The following MAP3K7 variants were observed in gnomAD, a reference collection of about 807,000 sequenced individuals.
MAP3K7 encodes the protein mitogen-activated protein kinase kinase kinase 7.
MAP3K7 carries 21 observed loss-of-function variants against 84.8 expected under a neutral mutation model. The observed-to-expected ratio is 0.25, with a 90% CI of 0.18 to 0.36. The LOEUF is 0.36. Ranked by LOEUF, MAP3K7 falls within the 10% of genes least tolerant of loss-of-function variation. The probability of loss-of-function intolerance (pLI) is 1.00; values close to 1 mark genes in which losing one functional copy is unlikely to be tolerated. For synonymous variants in MAP3K7, 241 were observed against 247.7 expected, an observed-to-expected ratio of 0.97 and a Z score of 0.25; for missense variants, 503 against 747.7, an observed-to-expected ratio of 0.67 and a Z score of 3.82.
At position 90,516,251 on chromosome 6, in the gene MAP3K7, C is replaced by G; in HGVS notation, c.*250G>C. 1 of 528,044 alleles carries G rather than the reference C, an allele frequency of 1.9e-6. No homozygotes were observed. Among genetic ancestry groups the G allele is most frequent in the South Asian group, 2.2e-5 (1 of 44,568 alleles). The allele number at this position is 528,044 out of a possible 1,614,324, so 32.7% of individuals were successfully genotyped here. On this transcript the variant is annotated 3_prime_UTR_variant, in exon 17 of 17. Coordinates refer to ENST00000369329, the MANE Select transcript of MAP3K7 (RefSeq NM_145331.3). The stretch of plus-strand genomic sequence containing the variant: ...CATATACAGCCACAGTTCACTGCAT[C>G]TGTTTTGAAGTTGCAAAGTGCTGCT...
At chr6:90,573,237 T>C (rs1053702758) in intron 1 of MAP3K7, among the ~76,000 whole-genome samples, 20 of 152,320 alleles carry the variant, frequency 1.3e-4, no homozygotes, top group African/African-American at 4.1e-4. Context: ...TTGTAACATA[T>C]ATAAAGCCCC....
Position 90,546,562 on chromosome 6 carries a change from G to A in MAP3K7, c.1210+696C>T, listed in dbSNP as rs544566408. Among the ~76,000 whole-genome samples the A allele has an allele frequency of 1.6e-4, 24 of 152,122 alleles. No homozygotes were observed. The South Asian group carries it at 4.6e-3, about 29-fold the overall frequency. On this transcript the variant is annotated intron_variant, in intron 11 of 16. Coordinates refer to ENST00000369329, the MANE Select transcript of MAP3K7 (RefSeq NM_145331.3). ...AAAGAATCAGCAAAAAACCAAAAAC[G>A]TCCAAATTAAACCAGCATTACTAAA... is the stretch of plus-strand genomic sequence containing the variant.
intron 12 of MAP3K7, 106 bp downstream of exon 12, chr6:90,544,446 C>A: frequency 1.1e-6 from 1 of 913,048 alleles, no homozygotes; most frequent in Non-Finnish European, 1.8e-6. Context: ...TGCAAGGTAT[C>A]CATTTTCATG....
intron 3 of MAP3K7, among the ~76,000 whole-genome samples, chr6:90,565,160 A>C (rs1776658977): frequency 3.3e-5 from 5 of 152,230 alleles, no homozygotes; most frequent in Admixed American, 1.3e-4. Flanking sequence ...TAGAGAAGCA[A>C]GAGCAAACAC....
intron 2 of MAP3K7, among the ~76,000 whole-genome samples, chr6:90,570,720 G>A (rs1261406935): frequency 6.6e-6 from 1 of 152,068 alleles, no homozygotes; most frequent in East Asian, 1.9e-4. Context: ...ACGCTATTAC[G>A]ATCTTTTTGA....
intron 7 of MAP3K7, among the ~76,000 whole-genome samples, chr6:90,552,774 A>G (rs1776220807): frequency 6.6e-6 from 1 of 152,240 alleles, no homozygotes; most frequent in Non-Finnish European, 1.5e-5. Context: ...TAAAAACAAC[A>G]TTACCAGAAC....
intron 1 of MAP3K7, among the ~76,000 whole-genome samples, chr6:90,574,433 T>G (rs1326620915): frequency 6.6e-6 from 1 of 152,112 alleles, no homozygotes; most frequent in Non-Finnish European, 1.5e-5. Flanking sequence ...CTCTTGCAAT[T>G]AACTAAGATG....
At chr6:90,567,404 GAT>G (rs1373868504) in intron 3 of MAP3K7, among the ~76,000 whole-genome samples, 1 of 152,118 alleles carries the variant, frequency 6.6e-6, no homozygotes, top group Non-Finnish European at 1.5e-5. Context: ...GTGGGCAAAG[GAT>G]ATGAACAGAC....
At chr6:90,524,365 G>C (rs1775253222) in intron 13 of MAP3K7, among the ~76,000 whole-genome samples, 1 of 152,160 alleles carries the variant, frequency 6.6e-6, no homozygotes, top group African/African-American at 2.4e-5. Context: ...TTGGATGCAG[G>C]TTACAACAAA....
In MAP3K7 at chr6:90,549,640, A is replaced by C. The variant is rs573769745; in HGVS notation, c.949+828T>G. ...CAGTGAAAAGGTGGGAGGCTCAAAA[A>C]ATTCAAGGTCACAGTAAGGAAATGA... is the stretch of plus-strand genomic sequence containing the variant. On this transcript the variant is annotated intron_variant, in intron 9 of 16. Transcript: ENST00000369329. Among the ~76,000 whole-genome samples, 9 of 152,306 alleles carry C rather than the reference A, an allele frequency of 5.9e-5. No individual in the cohort carries two copies. In the South Asian group the frequency reaches 1.4e-3, roughly 25 times the overall value.
At chr6:90,566,008 C>T (rs1263299394) in intron 3 of MAP3K7, among the ~76,000 whole-genome samples, 2 of 152,148 alleles carry the variant, frequency 1.3e-5, no homozygotes, top group Non-Finnish European at 2.9e-5. Context: ...TGACAAAATT[C>T]AACAGCCCTT....
At position 90,565,797 on chromosome 6, in the gene MAP3K7, C is replaced by T. The variant is rs61385713; in HGVS notation, c.297+2761G>A. Among the ~76,000 whole-genome samples the T allele has an allele frequency of 2.2e-3, 339 of 152,160 alleles. 2 individuals carry two copies. Among genetic ancestry groups the T allele is most frequent in the African/African-American group, 6.6e-3 (275 of 41,520 alleles). ...TTAGACCAATATCCCTGATGAACAT[C>T]GATGCAAAAATCCTCAATAAAATAC... On this transcript the variant is annotated intron_variant, in intron 3 of 16. Transcript: ENST00000369329.
chr6:90,548,301 T>A lies in MAP3K7; in HGVS notation c.950-124A>T, dbSNP rs34069293. On this transcript the variant is annotated intron_variant, in intron 9 of 16. Coordinates refer to ENST00000369329, the MANE Select transcript of MAP3K7 (RefSeq NM_145331.3). ...AGGAACAGAAATAAAATAAGACTTT[T>A]CAAGCTAATGAAGATATCCAAACAA... 2,536 of 835,862 alleles carry A rather than the reference T, an allele frequency of 3.0e-3. 37 individuals carry two copies. In the African/African-American group the frequency reaches 0.04, roughly 13 times the overall value. The allele number at this position is 835,862 out of a possible 1,614,324, so 51.8% of individuals were successfully genotyped here.
intron 14 of MAP3K7, among the ~76,000 whole-genome samples, chr6:90,523,108 T>A (rs946537231): frequency 3.3e-4 from 50 of 152,166 alleles, no homozygotes; most frequent in Non-Finnish European, 5.9e-4. Flanking sequence ...TGTGAACAGT[T>A]AGTTATTCAT....
At chr6:90,563,082 C>A (rs1261901073) in intron 3 of MAP3K7, among the ~76,000 whole-genome samples, 3 of 152,148 alleles carry the variant, frequency 2.0e-5, no homozygotes, top group Non-Finnish European at 1.5e-5. Flanking sequence ...ATGTCACCAT[C>A]ATCAAAGACC....
chr6:90,542,524 T>C (rs951769598), intron 12 of MAP3K7: 1 of 981,820 alleles, frequency 1.0e-6, no homozygotes, highest in Admixed American at 6.2e-5. Flanking sequence ...CTCCTTAATG[T>C]GAACACTAAG....
chr6:90,587,017 G>T lies in MAP3K7; in HGVS notation c.-134C>A. ...CCTACTACCCGGCGATCCGTGGCGGGGGTAGAGGCAGCGGCCACAGCCGTG... is the reference window on the plus strand; with the variant it reads ...CCTACTACCCGGCGATCCGTGGCGGTGGTAGAGGCAGCGGCCACAGCCGTG... On this transcript the variant is annotated 5_prime_UTR_variant, in exon 1 of 17. Transcript: ENST00000369329. The T allele has an allele frequency of 8.9e-7, 1 of 1,118,676 alleles. No individual in the cohort carries two copies. The allele number at this position is 1,118,676 out of a possible 1,614,324, so 69.3% of individuals were successfully genotyped here.
At position 90,519,296 on chromosome 6, in the gene MAP3K7, T is replaced by G. The variant is rs1210065874; in HGVS notation, c.1486A>C (p.Ile496Leu). ...TCCAGTGTAAGATAAGCCATTGGGA[T>G]GGAGTTATCTGATCCATTGGTATCT... ...STDTNGSDNS[I>L]PMAYLTLDHQ... Residue 496 changes from isoleucine to leucine, a missense_variant, in exon 15 of 17, where the codon ATC becomes CTC. This residue lies in a region of MAP3K7 where 286 missense variants were observed against 313.6 expected (regional missense o/e 0.91). Coordinates refer to ENST00000369329, the MANE Select transcript of MAP3K7 (RefSeq NM_145331.3). The G allele has an allele frequency of 1.9e-6, 3 of 1,584,710 alleles. No homozygotes were observed. The highest frequency in any genetic ancestry group is 1.2e-5 in the South Asian group (1 of 86,422).
chr6:90,561,804 ACT>A, intron 3 of MAP3K7, 137 bp from the exon 4 acceptor site: 3 of 653,574 alleles, frequency 4.6e-6, no homozygotes, highest in Non-Finnish European at 8.2e-6. Context: ...TGTGAATAGT[ACT>A]AGGGAAGGAA....
Sources: allele counts gnomAD v4.1 joint callset (sites outside exome capture counted in the v4.1 genomes callset), GRCh38; gene constraint gnomAD v4.1.1; regional missense constraint gnomAD v4.1.1; transcripts MANE v1.5; gene names NCBI Gene and HGNC (gene_info 2026-07-23, HGNC 2026-07-21).